TEDC1: variants seen among roughly 807,000 people sequenced by gnomAD.
TEDC1 encodes the protein tubulin epsilon and delta complex protein 1.
In TEDC1, 54 loss-of-function variants were observed where a neutral mutation model predicts 59.9. The observed-to-expected ratio is 0.90, with a 90% CI of 0.72 to 1.13. The LOEUF (loss-of-function observed/expected upper bound fraction) is 1.13. Ranked by LOEUF, TEDC1 falls within the 50% of genes most tolerant of loss-of-function variation. The pLI, the probability that TEDC1 is intolerant of heterozygous loss-of-function variation, is 0.00. For missense variants in TEDC1, 734 were observed against 683.4 expected (o/e 1.07, Z -0.83); for synonymous variants, 353 against 298.1 (o/e 1.18, Z -1.90).
rs1301190218 is a variant in TEDC1, at chr14:105,497,456, G to T, written c.978+13G>T. On this transcript the variant is annotated intron_variant, in intron 7 of 8. Coordinates refer to ENST00000392523, the MANE Select transcript of TEDC1 (RefSeq NM_001367178.1). The stretch of plus-strand genomic sequence containing the variant: ...CTGGCGGTGGATGGTGAGGAAGCCC[G>T]CGCATCCCTCTCCCGGCATCCCTTC... 3 of 1,542,696 alleles carry T rather than the reference G, an allele frequency of 1.9e-6. No individual in the cohort carries two copies. Among genetic ancestry groups the T allele is most frequent in the Non-Finnish European group, 1.7e-6 (2 of 1,146,796 alleles).
At position 105,495,908 on chromosome 14, in the gene TEDC1, T is replaced by C; in HGVS notation, c.713T>C (p.Leu238Pro). Residue 238 changes from leucine (L) to proline (P), a missense_variant, in exon 6 of 9, where the codon CTG becomes CCG. Leu to Pro is a moderately conservative substitution (Grantham distance 98, BLOSUM62 -3). Coordinates refer to ENST00000392523, the MANE Select transcript of TEDC1 (RefSeq NM_001367178.1). ...QVSGAGAAQNLDLAYPKCLHS... is the reference protein window; with the variant it reads ...QVSGAGAAQNPDLAYPKCLHS... ...TCTGGAGCGGGAGCTGCCCAAAACC[T>C]GGACCTGGCCTACCCAAAGTGCCTG... 1 of 1,550,270 alleles carries C rather than the reference T, an allele frequency of 6.5e-7. No homozygotes were observed. The highest frequency in any genetic ancestry group is 8.7e-7 in the Non-Finnish European group (1 of 1,146,884).
intron 4 of TEDC1, among the ~76,000 whole-genome samples, chr14:105,493,481 C>T (rs146954041): frequency 6.6e-5 from 10 of 152,316 alleles, no homozygotes; most frequent in African/African-American, 2.2e-4. Context: ...CATGTCCCCA[C>T]TGTGAGCCTG....
Position 105,491,728 on chromosome 14 carries a change from C to A in TEDC1, c.226+28C>A, listed in dbSNP as rs587696116. 2.6e-6 allele frequency: 4 copies of A among 1,539,664 alleles called. No individual in the cohort carries two copies. In the East Asian group the frequency reaches 7.3e-5, roughly 28 times the overall value. ...AAGCCCCGCTCCTGGCCCCGCCCAC[C>A]CGGTAGCACTGGCCCCGCCTACTCC... On this transcript the variant is annotated intron_variant, in intron 2 of 8. Coordinates refer to ENST00000392523, the MANE Select transcript of TEDC1 (RefSeq NM_001367178.1).
chr14:105,492,450 A>C, intron 3 of TEDC1, 129 bp from the exon 4 acceptor site: 1 of 1,471,758 alleles, frequency 6.8e-7, no homozygotes, highest in Non-Finnish European at 9.1e-7. Flanking sequence ...GCCCAGCTGA[A>C]AGCACGGAGG....
chr14:105,497,253 C>A, intron 6 of TEDC1, 104 bp from the exon 7 acceptor site: 2 of 1,135,306 alleles, frequency 1.8e-6, no homozygotes, highest in Non-Finnish European at 2.6e-6. Context: ...GGGGCGTGAG[C>A]TAGGCGTTGG....
Position 105,492,504 on chromosome 14 carries a change from C to T in TEDC1, c.430-75C>T, listed in dbSNP as rs587749373. On this transcript the variant is annotated intron_variant, in intron 3 of 8. Coordinates refer to ENST00000392523, the MANE Select transcript of TEDC1 (RefSeq NM_001367178.1). ...CCCGTTGTTTTTGGCTGTGCCTCCA[C>T]TACCGTCTCCATCCTGGCCTTTTCT... The T allele has an allele frequency of 2.2e-5, 33 of 1,498,618 alleles. No individual in the cohort carries two copies. In the African/African-American group the frequency reaches 2.9e-4, roughly 13 times the overall value. The allele number at this position is 1,498,618 out of a possible 1,614,324, so 92.8% of individuals were successfully genotyped here.
Position 105,493,934 on chromosome 14 carries a change from G to A in TEDC1, c.684+1G>A. 6.4e-7 allele frequency: 1 copy of A among 1,567,736 alleles called. No homozygotes were observed. The highest frequency in any genetic ancestry group is 8.6e-7 in the Non-Finnish European group (1 of 1,156,084). ...CAGGGACCCAGAGGGAGGCCAGCAGGTGAGGGCGGGCAAGCTGCTGCGGGG... is the reference window on the plus strand; with the variant it reads ...CAGGGACCCAGAGGGAGGCCAGCAGATGAGGGCGGGCAAGCTGCTGCGGGG... On this transcript the variant is annotated splice_donor_variant, in intron 5 of 8. Coordinates refer to ENST00000392523, the MANE Select transcript of TEDC1 (RefSeq NM_001367178.1). LOFTEE classifies it high-confidence loss of function.
chr14:105,494,605 C>G (rs587723905), intron 5 of TEDC1: 1 of 152,666 alleles, frequency 6.6e-6, no homozygotes, highest in East Asian at 1.9e-4. Context: ...TGGAGGAAAA[C>G]CTGCCTCTGA....
At chr14:105,495,581 C>T (rs1400691737) in intron 5 of TEDC1, 3 of 336,524 alleles carry the variant, frequency 8.9e-6, no homozygotes, top group Non-Finnish European at 1.6e-5. Flanking sequence ...TGGCGCCCAC[C>T]CAGTCAGCCT....
At chr14:105,491,172 C>A (rs1001954313), upstream of TEDC1, 20 of 1,549,892 alleles carry the variant, frequency 1.3e-5, no homozygotes, top group East Asian at 4.6e-4. Context: ...TCTCGGCCAG[C>A]GCGGTGATTG....
Position 105,492,305 on chromosome 14 carries a change from G to T in TEDC1, c.425G>T (p.Cys142Phe). Residue 142 changes from cysteine (C) to phenylalanine (F), a missense_variant, in exon 3 of 9, where the codon TGC (cysteine) becomes TTC (phenylalanine). Physicochemically the swap from Cys to Phe is radical, Grantham distance 205. Coordinates refer to ENST00000392523, the MANE Select transcript of TEDC1 (RefSeq NM_001367178.1). ...RVPLGDEMTVCQCEALASPGP... is the reference protein window; with the variant it reads ...RVPLGDEMTVFQCEALASPGP... ...CCTCTGGGTGACGAGATGACTGTGTGCCAGGTGCGTGTGGGTGAGGGTGAG... is the reference window on the plus strand; with the variant it reads ...CCTCTGGGTGACGAGATGACTGTGTTCCAGGTGCGTGTGGGTGAGGGTGAG... The T allele has an allele frequency of 1.9e-6, 3 of 1,603,108 alleles. No individual in the cohort carries two copies. The highest frequency in any genetic ancestry group is 2.5e-6 in the Non-Finnish European group (3 of 1,179,840).
chr14:105,491,080 C>G, upstream of TEDC1: 1 of 1,551,430 alleles, frequency 6.4e-7, no homozygotes, highest in Non-Finnish European at 8.7e-7. Context: ...AGGCGGGACC[C>G]TGCCGACGCA....
chr14:105,492,518 C>G, intron 3 of TEDC1, 61 bp from the exon 4 acceptor site: 1 of 1,510,598 alleles, frequency 6.6e-7, no homozygotes, highest in Non-Finnish European at 8.8e-7. Context: ...CGTCTCCATC[C>G]TGGCCTTTTC....
chr14:105,492,026 C>T (rs149971054), intron 2 of TEDC1, 81 bp from the exon 3 acceptor site: 5 of 1,401,520 alleles, frequency 3.6e-6, no homozygotes, highest in Middle Eastern at 1.8e-4. Flanking sequence ...GCTCAAGTGA[C>T]CTGTGGGGGT....
Position 105,491,366 on chromosome 14 carries a change from T to G in TEDC1, c.-10T>G, listed in dbSNP as rs1555439205. On this transcript the variant is annotated 5_prime_UTR_variant, in exon 1 of 9. Transcript: ENST00000392523. ...AGGCGGGCGATCCGAAAGAGGCTGG[T>G]GCTGGCTGCATGGGGAGGCGGCGGC... 6.9e-7 allele frequency: 1 copy of G among 1,440,908 alleles called. No individual in the cohort carries two copies. The highest frequency in any genetic ancestry group is 9.1e-7 in the Non-Finnish European group (1 of 1,104,502). The allele number at this position is 1,440,908 out of a possible 1,614,324, so 89.3% of individuals were successfully genotyped here.
rs782062954 is a variant in TEDC1 at position 105,497,847 on chromosome 14, A to G, written c.1028A>G (p.Gln343Arg). The G allele has an allele frequency of 6.4e-7, 1 of 1,571,992 alleles. No homozygotes were observed. Among genetic ancestry groups the G allele is most frequent in the Admixed American group, 1.9e-5 (1 of 53,584 alleles). Residue 343 changes from glutamine (Q) to arginine (R), a missense_variant, in exon 8 of 9, where the codon CAG becomes CGG. By Grantham distance (43) the Gln-to-Arg change is conservative. Transcript: ENST00000392523. The stretch of plus-strand genomic sequence containing the variant: ...CCGGAGGTGCCTGCTGCAGCCTCAC[A>G]GCCCACCTTCCTGCCCTGGGTCCCC... The part of the protein sequence containing the change: ...CAPEVPAAAS[Q>R]PTFLPWVPER...
Position 105,492,613 on chromosome 14 carries a change from C to T in TEDC1, c.464C>T (p.Pro155Leu). The T allele has an allele frequency of 1.9e-6, 3 of 1,541,814 alleles. No individual in the cohort carries two copies. Among genetic ancestry groups the T allele is most frequent in the Non-Finnish European group, 1.7e-6 (2 of 1,146,870 alleles). ...EALASPGPPA[P>L]HMEAEGPVDV... is the part of the protein sequence containing the mutation. Reference sequence around the variant, plus strand: ...CTGGCCAGCCCTGGCCCACCTGCACCCCACATGGAAGCAGAGGGTCCTGTG... The same window carrying T: ...CTGGCCAGCCCTGGCCCACCTGCACTCCACATGGAAGCAGAGGGTCCTGTG... The change falls in exon 4 of 9, where the codon CCC (proline) becomes CTC (leucine). Residue 155 changes from proline to leucine, a missense_variant. Transcript: ENST00000392523.
chr14:105,497,803 G>A lies in TEDC1; in HGVS notation c.984G>A (p.Thr328=), dbSNP rs781959850. 2.4e-5 allele frequency: 37 copies of A among 1,558,988 alleles called. No individual in the cohort carries two copies. The highest frequency in any genetic ancestry group is 1.1e-4 in the Admixed American group (6 of 52,354). Reference sequence around the variant, plus strand: ...TCTCACTTGGGTCTCTGTAGGACACGGTCCTGGGCACCTGTGCCCCGGAGG... The same window carrying A: ...TCTCACTTGGGTCTCTGTAGGACACAGTCCTGGGCACCTGTGCCCCGGAGG... The part of the protein sequence containing the change: ...SELVFWRWMD[T]VLGTCAPEVP... The change falls in exon 8 of 9, where the codon ACG becomes ACA. Residue 328 remains threonine (T), a synonymous_variant. Transcript: ENST00000392523.
chr14:105,491,139 G>A (rs1555439150), upstream of TEDC1: 2 of 1,550,840 alleles, frequency 1.3e-6, no homozygotes, highest in African/African-American at 2.7e-5. Context: ...ACAGGTCTCG[G>A]GAGCGCGGTG....
Sources: allele counts gnomAD v4.1 joint callset (sites outside exome capture counted in the v4.1 genomes callset), GRCh38; gene constraint gnomAD v4.1.1; transcripts MANE v1.5; gene names NCBI Gene and HGNC (gene_info 2026-07-23, HGNC 2026-07-21).